OTOF: variants seen among roughly 807,000 people sequenced by gnomAD.
OTOF encodes the protein otoferlin, also known as fer-1-like family member 2.
Under a neutral mutation model 236.8 loss-of-function variants are expected in OTOF, and 218 were observed. The observed-to-expected ratio is 0.92, with a 90% CI of 0.82 to 1.03. The LOEUF (loss-of-function observed/expected upper bound fraction) is 1.03. OTOF is among the 50% of genes least tolerant of loss of function. The probability of loss-of-function intolerance (pLI) is 0.00; values close to 1 mark genes in which losing one functional copy is unlikely to be tolerated. For synonymous variants in OTOF, 1,041 were observed against 1,072.5 expected (o/e 0.97, Z 0.57); for missense variants, 2,590 against 2,694.4 (o/e 0.96, Z 0.86).
At chr2:26,554,770 A>G (rs965246678) in intron 1 of OTOF, among the ~76,000 whole-genome samples, 3 of 150,422 alleles carry the variant, frequency 2.0e-5, no homozygotes, top group African/African-American at 7.3e-5. Context: ...CAGGGTGGGA[A>G]TCAGGGGGAG....
Position 26,558,559 on chromosome 2 carries a change from T to A in OTOF, c.13A>T (p.Ile5Phe), listed in dbSNP as rs745503114. Residue 5 changes from isoleucine (I) to phenylalanine (F), a missense_variant, in exon 1 of 47, where the codon ATC becomes TTC. Coordinates refer to ENST00000272371, the MANE Select transcript of OTOF (RefSeq NM_194248.3). ...AGCTCCGAGACTGTCTTGAGGTGGATGAGCAAGGCCATGCTGGTGTGGGCT... is the reference window on the plus strand; with the variant it reads ...AGCTCCGAGACTGTCTTGAGGTGGAAGAGCAAGGCCATGCTGGTGTGGGCT... Reference protein sequence around the residue: MALLIHLKTVSELRG... With the variant: MALLFHLKTVSELRG... 1.9e-6 allele frequency: 3 copies of A among 1,613,762 alleles called. No individual in the cohort carries two copies. The highest frequency in any genetic ancestry group is 2.2e-5 in the South Asian group (2 of 91,062).
In OTOF at chr2:26,477,235, C is replaced by A; in HGVS notation, c.2460G>T (p.Thr820=). Residue 820 remains threonine (T), a synonymous_variant, in exon 21 of 47, where the codon ACG becomes ACT. Coordinates refer to ENST00000272371, the MANE Select transcript of OTOF (RefSeq NM_194248.3). The surrounding 1 kb of genome is among the most constrained non-coding windows in gnomAD (Gnocchi z 4.7). Reference sequence around the variant, plus strand: ...GGCACAGCCTCAGCTTGTCCCGCACCGTGTGCCGCTTCACCTGGGCCCGCA... The same window carrying A: ...GGCACAGCCTCAGCTTGTCCCGCACAGTGTGCCGCTTCACCTGGGCCCGCA... ...RMLRAQVKRH[T]VRDKLRLCQN... 2 of 1,609,816 alleles carry A rather than the reference C, an allele frequency of 1.2e-6. No individual in the cohort carries two copies. Among genetic ancestry groups the A allele is most frequent in the South Asian group, 1.1e-5 (1 of 90,418 alleles).
intron 11 of OTOF, among the ~76,000 whole-genome samples, chr2:26,484,973 A>AGC (rs1389745647): frequency 6.6e-6 from 1 of 152,140 alleles, no homozygotes; most frequent in Non-Finnish European, 1.5e-5. Flanking sequence ...TGAAGGACAC[A>AGC]GCTGCACACA....
intron 2 of OTOF, among the ~76,000 whole-genome samples, chr2:26,530,853 T>C (rs1356823353): frequency 1.3e-5 from 2 of 152,078 alleles, no homozygotes; most frequent in Non-Finnish European, 2.9e-5. Flanking sequence ...CCGGCACCTC[T>C]AGGTGGGGTC....
chr2:26,555,757 G>A (rs1667571437), intron 1 of OTOF, among the ~76,000 whole-genome samples: 1 of 152,142 alleles, frequency 6.6e-6, no homozygotes, highest in Non-Finnish European at 1.5e-5. Flanking sequence ...CTCACATGGG[G>A]CCCTCTGCTG....
rs189888978 is a variant in OTOF at position 26,526,933 on chromosome 2, C to T, written c.227+899G>A. On this transcript the variant is annotated intron_variant, in intron 3 of 46. Transcript: ENST00000272371. ...CTCAAATTACTGGGATCAAATGATC[C>T]TCCCGCCTTATCTGCCCAAGGACCT... is the stretch of plus-strand genomic sequence containing the variant. 1.1e-3 allele frequency among the ~76,000 whole-genome samples: 168 copies of T among 152,258 alleles called. 2 individuals are homozygous for T. The highest frequency in any genetic ancestry group is 8.5e-3 in the Admixed American group (130 of 15,290).
chr2:26,485,968 C>G (rs1665688650), intron 11 of OTOF, among the ~76,000 whole-genome samples: 1 of 152,220 alleles, frequency 6.6e-6, no homozygotes, highest in South Asian at 2.1e-4. Flanking sequence ...AGCTTCAGGT[C>G]TTGCCAGAGC....
chr2:26,512,267 G>C (rs1480130145), intron 5 of OTOF, among the ~76,000 whole-genome samples: 1 of 152,212 alleles, frequency 6.6e-6, no homozygotes, highest in Non-Finnish European at 1.5e-5. Context: ...GGTCTCTACA[G>C]TTTAGCTGCA....
chr2:26,474,419 C>T, intron 26 of OTOF, 94 bp downstream of exon 26: 1 of 1,174,012 alleles, frequency 8.5e-7, no homozygotes, highest in South Asian at 1.3e-5. Context: ...CCCCAGACCC[C>T]AGGCCCCAGC....
chr2:26,515,410 G>A (rs1666498907), intron 5 of OTOF, among the ~76,000 whole-genome samples: 2 of 152,154 alleles, frequency 1.3e-5, no homozygotes, highest in Admixed American at 6.5e-5. Flanking sequence ...GCTTGTGTGT[G>A]TGTGTGTATG....
At position 26,510,663 on chromosome 2, in the gene OTOF, C is replaced by T. The variant is rs893705893; in HGVS notation, c.509+5755G>A. ...CCTGTGGGGAGGAGGCCTCTGTCTC[C>T]CCAGAGACGCTGTTGCGTCTGCCCT... On this transcript the variant is annotated intron_variant, in intron 5 of 46. Transcript: ENST00000272371. 1.0e-5 allele frequency: 13 copies of T among 1,256,280 alleles called. No individual in the cohort carries two copies. The African/African-American group carries it at 1.1e-4, about 10-fold the overall frequency. The allele number at this position is 1,256,280 out of a possible 1,614,324, so 77.8% of individuals were successfully genotyped here. A position where few individuals can be genotyped will look rare whatever the true frequency, so the allele number is the denominator to read the frequency against.
In OTOF at chr2:26,482,599, G is replaced by C; in HGVS notation, c.1393-7C>G. The C allele has an allele frequency of 6.2e-7, 1 of 1,611,760 alleles. No individual in the cohort carries two copies. The highest frequency in any genetic ancestry group is 8.5e-7 in the Non-Finnish European group (1 of 1,178,780). On this transcript the variant is annotated splice_polypyrimidine_tract_variant and splice_region_variant and intron_variant, in intron 13 of 46. Transcript: ENST00000272371. Reference sequence around the variant, plus strand: ...TCTGCACTGAAGTCTTGCCCTGGTGGAAGGGGGAGCACAGGTGAGGGCGTG... The same window carrying C: ...TCTGCACTGAAGTCTTGCCCTGGTGCAAGGGGGAGCACAGGTGAGGGCGTG...
Position 26,459,875 on chromosome 2 carries a change from T to G in OTOF, c.*17+133A>C, listed in dbSNP as rs1467532286. 3.5e-6 allele frequency: 3 copies of G among 867,266 alleles called. No individual in the cohort carries two copies. The African/African-American group carries it at 5.0e-5, about 14-fold the overall frequency. The allele number at this position is 867,266 out of a possible 1,614,324, so 53.7% of individuals were successfully genotyped here. A position where few individuals can be genotyped will look rare whatever the true frequency, so the allele number is the denominator to read the frequency against. On this transcript the variant is annotated intron_variant, in intron 46 of 46. Transcript: ENST00000272371. The stretch of plus-strand genomic sequence containing the variant: ...TATGCACTTGTGCGTGGCACATGTG[T>G]GCATACATGCTTGTGTGTGTTTGTG...
rs572579351 is a variant in OTOF, at chr2:26,474,051, T to C, written c.3348A>G (p.Arg1116=). ...CCATGGGCACGGGCATGATGGGACC[T>C]CGGTCCACGTCCACCGGGCCATTGA... ...PPINGPVDVD[R]GPIMPVPMGI... The change falls in exon 27 of 47, where the codon CGA becomes CGG. Residue 1116 remains arginine (R), a synonymous_variant. Transcript: ENST00000272371. 2.5e-6 allele frequency: 4 copies of C among 1,612,888 alleles called. No individual in the cohort carries two copies. The highest frequency in any genetic ancestry group is 4.5e-5 in the East Asian group (2 of 44,876).
intron 3 of OTOF, among the ~76,000 whole-genome samples, chr2:26,527,156 G>A (rs1666826960): frequency 6.6e-6 from 1 of 152,240 alleles, no homozygotes. Context: ...CAAGCTCCAT[G>A]AAGGTAGGCA....
intron 2 of OTOF, among the ~76,000 whole-genome samples, chr2:26,537,339 C>T (rs142771825): frequency 0.012 from 1,871 of 152,278 alleles, 37 homozygotes; most frequent in African/African-American, 0.042. Flanking sequence ...GCCTTTGCGA[C>T]GTCCCCAACA....
intron 46 of OTOF, among the ~76,000 whole-genome samples, chr2:26,458,830 C>T (rs924953547): frequency 3.3e-5 from 5 of 152,266 alleles, no homozygotes; most frequent in Non-Finnish European, 2.9e-5. Context: ...TTTCAAACTA[C>T]TGCCTCCCAG....
chr2:26,519,601 G>T (rs1368469064), intron 3 of OTOF, among the ~76,000 whole-genome samples: 4 of 152,218 alleles, frequency 2.6e-5, no homozygotes, highest in Admixed American at 2.6e-4. Context: ...GAACCTGTGT[G>T]ATGGCAGAGC....
At chr2:26,464,760 G>A (rs1572405991) in intron 39 of OTOF, 109 bp downstream of exon 39, 4 of 1,114,604 alleles carry the variant, frequency 3.6e-6, no homozygotes, top group Non-Finnish European at 5.1e-6. Context: ...GGTTTAGGCT[G>A]AGGACACCCC....
Sources: gnomAD v4.1 joint callset for allele counts (sites outside exome capture counted in the v4.1 genomes callset) on GRCh38, gnomAD v4.1.1 for gene constraint, Gnocchi (gnomAD v3.1) non-coding constraint, MANE v1.5 for transcripts, NCBI Gene and HGNC (gene_info 2026-07-23, HGNC 2026-07-21) for gene names.